FAM171A1: variants seen among roughly 807,000 people sequenced by gnomAD.
FAM171A1 encodes the protein protein FAM171A1.
In FAM171A1, 23 loss-of-function variants were observed where a neutral mutation model predicts 74.9. The ratio of observed to expected loss-of-function variants is 0.31; its 90% CI spans 0.22 to 0.44. FAM171A1 has a LOEUF of 0.44. Among genes scored for constraint, FAM171A1 ranks in the 20% least tolerant of loss-of-function variants. FAM171A1 has a pLI of 1.00. For missense variants in FAM171A1, 1,162 were observed against 1,159.2 expected, an observed-to-expected ratio of 1.00 and a Z score of -0.03; for synonymous variants, 527 against 505.7, an observed-to-expected ratio of 1.04 and a Z score of -0.57.
At chr10:15,259,522 G>A (rs1834629170) in intron 3 of FAM171A1, among the ~76,000 whole-genome samples, 1 of 152,120 alleles carries the variant, frequency 6.6e-6, no homozygotes, top group Non-Finnish European at 1.5e-5. Flanking sequence ...TAAATGAGAG[G>A]CATAGATCAG....
At chr10:15,248,032 G>A (rs765070288) in intron 5 of FAM171A1, among the ~76,000 whole-genome samples, 12 of 152,126 alleles carry the variant, frequency 7.9e-5, no homozygotes, top group Non-Finnish European at 1.8e-4. Context: ...CACCCAGCTC[G>A]GCTGTACCTG....
At chr10:15,217,702 A>C (rs1833984069) in intron 6 of FAM171A1, among the ~76,000 whole-genome samples, 1 of 149,966 alleles carries the variant, frequency 6.7e-6, no homozygotes, top group African/African-American at 2.5e-5. Context: ...CAGTGGTGTG[A>C]TCTCAGCTCA....
At chr10:15,275,346 G>A (rs1470413535) in intron 3 of FAM171A1, among the ~76,000 whole-genome samples, 1 of 151,352 alleles carries the variant, frequency 6.6e-6, no homozygotes, top group Non-Finnish European at 1.5e-5. Flanking sequence ...GAGTGCAGTG[G>A]CACAATCTTG....
intron 1 of FAM171A1, among the ~76,000 whole-genome samples, chr10:15,317,185 T>G: frequency 1.3e-5 from 2 of 150,630 alleles, no homozygotes; most frequent in Non-Finnish European, 1.5e-5. Context: ...ATGTTGGGAG[T>G]GGGATGTGCA....
At chr10:15,325,292 T>A (rs1353551075) in intron 1 of FAM171A1, among the ~76,000 whole-genome samples, 1 of 152,126 alleles carries the variant, frequency 6.6e-6, no homozygotes, top group Non-Finnish European at 1.5e-5. Context: ...GCCCAGGAGT[T>A]CGAGACCAAG....
intron 4 of FAM171A1, among the ~76,000 whole-genome samples, chr10:15,251,521 G>A (rs1834508112): frequency 6.6e-6 from 1 of 151,238 alleles, no homozygotes; most frequent in Non-Finnish European, 1.5e-5. Context: ...TCCTGCCTCA[G>A]CCTCCTGAGT....
intron 5 of FAM171A1, among the ~76,000 whole-genome samples, chr10:15,239,883 A>G (rs767409986): frequency 3.3e-5 from 5 of 152,240 alleles, no homozygotes; most frequent in Non-Finnish European, 7.3e-5. Flanking sequence ...CATTATACTT[A>G]CCTGCTGAAC....
intron 1 of FAM171A1, 35 bp from the exon 2 acceptor site, chr10:15,284,140 T>C (rs375775230): frequency 2.5e-6 from 4 of 1,588,672 alleles, no homozygotes; most frequent in Non-Finnish European, 2.6e-6. Context: ...ACAGCTACTG[T>C]CAATGGGAAA....
rs1008612302 is a variant in FAM171A1, at chr10:15,225,143, C to T, written c.755-4083G>A. 5.3e-5 allele frequency among the ~76,000 whole-genome samples: 8 copies of T among 152,198 alleles called. No individual in the cohort carries two copies. The East Asian group carries it at 5.8e-4, about 11-fold the overall frequency. On this transcript the variant is annotated intron_variant, in intron 5 of 7. Transcript: ENST00000378116. The stretch of plus-strand genomic sequence containing the variant: ...CTCAGTCTTATCTCCTTTCTTAGAT[C>T]GTAAACTCCATGGGTGTGGCCTGTG...
At chr10:15,227,148 T>C (rs11818919) in intron 5 of FAM171A1, among the ~76,000 whole-genome samples, 10 of 152,076 alleles carry the variant, frequency 6.6e-5, no homozygotes, top group African/African-American at 2.2e-4. Flanking sequence ...TACAGGCACC[T>C]GCCACCACAA....
intron 1 of FAM171A1, among the ~76,000 whole-genome samples, chr10:15,300,977 C>A (rs1316111241): frequency 6.6e-6 from 1 of 152,208 alleles, no homozygotes; most frequent in African/African-American, 2.4e-5. Flanking sequence ...AAGGAGCTGA[C>A]CATGCCTGGC....
intron 1 of FAM171A1, among the ~76,000 whole-genome samples, chr10:15,317,700 A>G (rs1835439475): frequency 6.6e-6 from 1 of 152,196 alleles, no homozygotes; most frequent in Admixed American, 6.5e-5. Context: ...GCCTGCACTG[A>G]TATTTTATAC....
intron 1 of FAM171A1, among the ~76,000 whole-genome samples, chr10:15,338,645 G>A (rs1289412596): frequency 1.3e-5 from 2 of 152,164 alleles, no homozygotes; most frequent in Non-Finnish European, 2.9e-5. Context: ...TAGCTAACAA[G>A]CAACACATTT....
chr10:15,370,972 G>T lies in FAM171A1; in HGVS notation c.81C>A (p.Pro27=), dbSNP rs778990068. The T allele has an allele frequency of 1.1e-4, 127 of 1,177,020 alleles. No individual in the cohort carries two copies. The African/African-American group carries it at 1.8e-3, about 17-fold the overall frequency. The allele number at this position is 1,177,020 out of a possible 1,614,324, so 72.9% of individuals were successfully genotyped here. A position where few individuals can be genotyped will look rare whatever the true frequency, so the allele number is the denominator to read the frequency against. Residue 27 remains proline (P), a synonymous_variant, in exon 1 of 8, where the codon CCC becomes CCA. Transcript: ENST00000378116. ...WKAVTKTLRE[P]GAGAQEVTLK... Reference sequence around the variant, plus strand: ...CCCACTGACCTTGGGCTCCGGCGCCGGGCTCCCGCAGCGTCTTGGTCACCG... The same window carrying T: ...CCCACTGACCTTGGGCTCCGGCGCCTGGCTCCCGCAGCGTCTTGGTCACCG...
rs1833909437 is a variant in FAM171A1, at chr10:15,212,913, G to T, written c.*2C>A. 1.2e-6 allele frequency: 2 copies of T among 1,613,544 alleles called. No homozygotes were observed. The highest frequency in any genetic ancestry group is 1.1e-5 in the South Asian group (1 of 91,012). On this transcript the variant is annotated 3_prime_UTR_variant, in exon 8 of 8. Coordinates refer to ENST00000378116, the MANE Select transcript of FAM171A1 (RefSeq NM_001010924.2). ...TCCACAGTCAGGTGGGTCTGCGATA[G>T]CTCATTTAATGTTAAACGCCATCAG... is the stretch of plus-strand genomic sequence containing the variant.
In FAM171A1 at chr10:15,371,014, G is replaced by A. The variant is rs758336551; in HGVS notation, c.39C>T (p.Gly13=). ...TGGTCACCGCCTTCCAGACGTGGCAGCCCAGCAGGCACAGCAGCAGCGTCG... is the reference window on the plus strand; with the variant it reads ...TGGTCACCGCCTTCCAGACGTGGCAACCCAGCAGGCACAGCAGCAGCGTCG... ...RSATLLLCLL[G]CHVWKAVTKT... The change falls in exon 1 of 8, where the codon GGC becomes GGT. Residue 13 remains glycine (G), a synonymous_variant. Transcript: ENST00000378116. The A allele has an allele frequency of 1.0e-4, 120 of 1,188,116 alleles. No individual in the cohort carries two copies. The South Asian group carries it at 1.5e-3, about 15-fold the overall frequency. The allele number at this position is 1,188,116 out of a possible 1,614,324, so 73.6% of individuals were successfully genotyped here. A position where few individuals can be genotyped will look rare whatever the true frequency, so the allele number is the denominator to read the frequency against.
chr10:15,305,094 C>A (rs1835277342), intron 1 of FAM171A1, among the ~76,000 whole-genome samples: 1 of 152,136 alleles, frequency 6.6e-6, no homozygotes. Context: ...CCTCACCACA[C>A]CTGAATAATA....
At chr10:15,276,020 A>G (rs1834889892) in intron 2 of FAM171A1, 73 bp from the exon 3 acceptor site, 1 of 1,043,546 alleles carries the variant, frequency 9.6e-7, no homozygotes, top group African/African-American at 1.6e-5. Flanking sequence ...TTTTTGGGAT[A>G]CTCTGCAGTT....
At chr10:15,272,331 A>G (rs1428257420) in intron 3 of FAM171A1, among the ~76,000 whole-genome samples, 2 of 152,264 alleles carry the variant, frequency 1.3e-5, no homozygotes, top group Non-Finnish European at 2.9e-5. Flanking sequence ...TCAATTCAAC[A>G]AGAAGAGCTA....
Sources: allele counts gnomAD v4.1 joint callset (sites outside exome capture counted in the v4.1 genomes callset), GRCh38; gene constraint gnomAD v4.1.1; transcripts MANE v1.5; gene names NCBI Gene and HGNC (gene_info 2026-07-23, HGNC 2026-07-21).